Variants in CXCL17 observed in about 807,000 individuals in gnomAD.
CXCL17 encodes C-X-C motif chemokine ligand 17, also known as C-X-C motif chemokine 17.
A neutral mutation model predicts 15.5 loss-of-function variants in CXCL17; 9 were observed. That is an observed-to-expected ratio of 0.58 (90% CI 0.35 to 1.01). CXCL17 has a LOEUF of 1.01. CXCL17 is among the 50% of genes least tolerant of loss of function. CXCL17 has a pLI of 0.02. For synonymous variants in CXCL17, 52 were observed against 52.3 expected (o/e 0.99, Z 0.02); for missense variants, 133 against 138.2 (o/e 0.96, Z 0.19).
chr19:42,442,339 T>C (rs1180591199), intron 1 of CXCL17, among the ~76,000 whole-genome samples: 1 of 148,226 alleles, frequency 6.7e-6, no homozygotes, highest in Non-Finnish European at 1.5e-5. Context: ...GTTCCAGCAA[T>C]TCTCTGGCCT....
At chr19:42,438,382 ATATATAT>A (rs1342035327) in intron 1 of CXCL17, among the ~76,000 whole-genome samples, 2 of 50,076 alleles carry the variant, frequency 4.0e-5, no homozygotes, top group Non-Finnish European at 6.3e-5. Context: ...AAAAAAAAAA[ATATATAT>A]ATATATATAT....
At chr19:42,437,422 CTGATACAG>C (rs1201829322) in intron 1 of CXCL17, among the ~76,000 whole-genome samples, 1 of 152,192 alleles carries the variant, frequency 6.6e-6, no homozygotes, top group Non-Finnish European at 1.5e-5. Context: ...TTGGGAACCA[CTGATACAG>C]TGGCATAAGC....
At chr19:42,438,572 T>C (rs1002559599) in intron 1 of CXCL17, among the ~76,000 whole-genome samples, 21 of 151,302 alleles carry the variant, frequency 1.4e-4, no homozygotes, top group African/African-American at 5.1e-4. Flanking sequence ...TACATGAGTG[T>C]GCGTGTGTGT....
chr19:42,432,279 G>A (rs2040790964), intron 3 of CXCL17, among the ~76,000 whole-genome samples: 1 of 151,566 alleles, frequency 6.6e-6, no homozygotes, highest in Non-Finnish European at 1.5e-5. Context: ...CGAGTAGCTG[G>A]GATTACAGGC....
At chr19:42,433,554 G>A (rs2040804383) in intron 2 of CXCL17, among the ~76,000 whole-genome samples, 1 of 152,216 alleles carries the variant, frequency 6.6e-6, no homozygotes, top group Non-Finnish European at 1.5e-5. Context: ...GGGGCAGGGC[G>A]CAGCCTGACA....
At chr19:42,430,762 A>G (rs2040771559) in intron 3 of CXCL17, among the ~76,000 whole-genome samples, 1 of 151,992 alleles carries the variant, frequency 6.6e-6, no homozygotes, top group Non-Finnish European at 1.5e-5. Context: ...AGATTCCTAA[A>G]TAATTTAGTT....
At chr19:42,430,833 C>A (rs1344133035) in intron 3 of CXCL17, among the ~76,000 whole-genome samples, 1 of 151,626 alleles carries the variant, frequency 6.6e-6, no homozygotes, top group African/African-American at 2.4e-5. Flanking sequence ...ATGTCTCTCC[C>A]CATTTTTTTT....
At chr19:42,439,804 G>A (rs2040874151) in intron 1 of CXCL17, among the ~76,000 whole-genome samples, 1 of 152,222 alleles carries the variant, frequency 6.6e-6, no homozygotes. Flanking sequence ...GAAAGAGAGG[G>A]AAAGACTGAG....
At chr19:42,439,803 G>A (rs2040874114) in intron 1 of CXCL17, among the ~76,000 whole-genome samples, 1 of 152,184 alleles carries the variant, frequency 6.6e-6, no homozygotes, top group African/African-American at 2.4e-5. Context: ...TGAAAGAGAG[G>A]GAAAGACTGA....
intron 1 of CXCL17, among the ~76,000 whole-genome samples, chr19:42,439,269 A>G (rs1042663981): frequency 3.2e-4 from 49 of 151,472 alleles, no homozygotes; most frequent in African/African-American, 5.8e-4. Flanking sequence ...AAAAAAAAAA[A>G]AAAAAGAAAA....
At chr19:42,429,010 G>A in intron 3 of CXCL17, 29 bp from the exon 4 acceptor site, 1 of 1,521,592 alleles carries the variant, frequency 6.6e-7, no homozygotes, top group Non-Finnish European at 9.1e-7. Flanking sequence ...GGAGAGGCTA[G>A]TGTTAAAACC....
Position 42,430,752 on chromosome 19 carries a change from A to G in CXCL17, c.263-1771T>C, listed in dbSNP as rs116415224. 8.1e-3 allele frequency among the ~76,000 whole-genome samples: 1,240 copies of G among 152,224 alleles called. 17 individuals carry two copies. The highest frequency in any genetic ancestry group is 0.028 in the African/African-American group (1,163 of 41,534). ...TTTATTATTTACCACCTATGTGTAT[A>G]GATTCCTAAATAATTTAGTTTATTT... On this transcript the variant is annotated intron_variant, in intron 3 of 3. Coordinates refer to ENST00000601181, the MANE Select transcript of CXCL17 (RefSeq NM_198477.3).
rs2040743152 is a variant in CXCL17 at position 42,428,782 on chromosome 19, T to G, written c.*102A>C. ...AGCACTGGAATGATTTAGGGGTGGG[T>G]ACAGTGGGAGAGTGAGGTGGGAGAA... On this transcript the variant is annotated 3_prime_UTR_variant, in exon 4 of 4. Transcript: ENST00000601181. 1.2e-6 allele frequency: 1 copy of G among 852,718 alleles called. No homozygotes were observed. Among genetic ancestry groups the G allele is most frequent in the Admixed American group, 1.7e-5 (1 of 57,182 alleles). The allele number at this position is 852,718 out of a possible 1,614,324, so 52.8% of individuals were successfully genotyped here. A position where few individuals can be genotyped will look rare whatever the true frequency, so the allele number is the denominator to read the frequency against.
intron 1 of CXCL17, among the ~76,000 whole-genome samples, chr19:42,438,870 G>A (rs1295251246): frequency 6.6e-6 from 1 of 152,100 alleles, no homozygotes; most frequent in Non-Finnish European, 1.5e-5. Context: ...GACAATATGA[G>A]CAACATAATA....
chr19:42,433,153 G>T, intron 2 of CXCL17, 76 bp from the exon 3 acceptor site: 1 of 1,015,780 alleles, frequency 9.8e-7, no homozygotes, highest in Non-Finnish European at 1.5e-6. Flanking sequence ...AGCTTTAATC[G>T]CCATCTTCTG....
At chr19:42,440,598 C>T (rs2040882274) in intron 1 of CXCL17, among the ~76,000 whole-genome samples, 1 of 152,174 alleles carries the variant, frequency 6.6e-6, no homozygotes, top group African/African-American at 2.4e-5. Flanking sequence ...TTTATTAAAC[C>T]CTTTCTAGGA....
intron 1 of CXCL17, among the ~76,000 whole-genome samples, chr19:42,441,782 G>T (rs1340671738): frequency 6.6e-6 from 1 of 152,172 alleles, no homozygotes; most frequent in Non-Finnish European, 1.5e-5. Context: ...TTTTCTGCGT[G>T]GTTGCTCTGT....
chr19:42,434,998 T>A (rs1430698063), intron 1 of CXCL17, among the ~76,000 whole-genome samples: 1 of 151,704 alleles, frequency 6.6e-6, no homozygotes, highest in Non-Finnish European at 1.5e-5. Flanking sequence ...GCTAACATGG[T>A]GAAACCCCGT....
chr19:42,433,360 T>A (rs2040802304), intron 2 of CXCL17, among the ~76,000 whole-genome samples: 1 of 152,038 alleles, frequency 6.6e-6, no homozygotes, highest in African/African-American at 2.4e-5. Flanking sequence ...GAATGAGGAG[T>A]AAGGCTTGGG....
Sources: gnomAD v4.1 joint callset for allele counts (sites outside exome capture counted in the v4.1 genomes callset) on GRCh38, gnomAD v4.1.1 for gene constraint, MANE v1.5 for transcripts, NCBI Gene and HGNC (gene_info 2026-07-23, HGNC 2026-07-21) for gene names.